Variants in PIAS4 observed in about 807,000 individuals in gnomAD.
The protein encoded by PIAS4 is protein inhibitor of activated STAT 4, also known as E3 SUMO-protein ligase PIAS4.
A neutral mutation model predicts 58.0 loss-of-function variants in PIAS4; 7 were observed. The ratio of observed to expected loss-of-function variants is 0.12; its 90% CI spans 0.07 to 0.23. The LOEUF is 0.23. PIAS4 is among the 10% of genes least tolerant of loss of function. PIAS4 has a pLI of 1.00. For missense variants in PIAS4, 550 were observed against 709.5 expected (o/e 0.78, Z 2.55); for synonymous variants, 364 against 312.4 (o/e 1.17, Z -1.74).
intron 9 of PIAS4, among the ~76,000 whole-genome samples, chr19:4,036,647 G>A (rs1403853205): frequency 2.5e-5 from 3 of 119,054 alleles, no homozygotes; most frequent in Non-Finnish European, 5.1e-5. Flanking sequence ...AGTCCACACT[G>A]TCATACACAC....
At position 4,028,186 on chromosome 19, in the gene PIAS4, A is replaced by C; in HGVS notation, c.580A>C (p.Arg194=). The change falls in exon 4 of 11, where the codon AGA becomes CGA. Residue 194 remains arginine, a splice_region_variant and synonymous_variant. Coordinates refer to ENST00000262971, the MANE Select transcript of PIAS4 (RefSeq NM_015897.4). ...AGTTAAAGCCGTGCAGGTCGTCCTGAGGTATGCCCAGGTGTGCCCGCGACC... is the reference window on the plus strand; with the variant it reads ...AGTTAAAGCCGTGCAGGTCGTCCTGCGGTATGCCCAGGTGTGCCCGCGACC... The part of the protein sequence containing the change: ...PGVKAVQVVL[R]ICYSDTSCPQ... The C allele has an allele frequency of 6.2e-7, 1 of 1,611,388 alleles. No homozygotes were observed. Among genetic ancestry groups the C allele is most frequent in the Non-Finnish European group, 8.5e-7 (1 of 1,179,790 alleles).
At chr19:4,029,575 CAG>C (rs1278308292) in intron 7 of PIAS4, among the ~76,000 whole-genome samples, 6 of 151,224 alleles carry the variant, frequency 4.0e-5, no homozygotes, top group Admixed American at 4.0e-4. Context: ...TTTAGAGAGT[CAG>C]GGTCTCTGGG....
chr19:4,028,621 C>T lies in PIAS4; in HGVS notation c.672+21C>T, dbSNP rs766014844. ...TCCCGGTGAGCATGCCCCGCCCCCG[C>T]GTCGGCTGCACGGGTTTGGGGGGCG... On this transcript the variant is annotated intron_variant, in intron 5 of 10. Transcript: ENST00000262971. 2.8e-5 allele frequency: 45 copies of T among 1,610,830 alleles called. 1 individual carries two copies. The Admixed American group carries it at 5.3e-4, about 19-fold the overall frequency.
At chr19:4,016,604 G>C (rs954879277) in intron 2 of PIAS4, among the ~76,000 whole-genome samples, 1 of 152,216 alleles carries the variant, frequency 6.6e-6, no homozygotes, top group African/African-American at 2.4e-5. Context: ...AGTAGCAGGA[G>C]CCATTTACTC....
intron 2 of PIAS4, among the ~76,000 whole-genome samples, chr19:4,022,359 GT>G (rs1328046764): frequency 1.3e-5 from 2 of 151,198 alleles, no homozygotes; most frequent in African/African-American, 4.9e-5. Context: ...GTTTTTGGTG[GT>G]TTTTTTTGAG....
intron 3 of PIAS4, among the ~76,000 whole-genome samples, chr19:4,024,329 C>T (rs900934517): frequency 2.6e-5 from 4 of 152,236 alleles, no homozygotes; most frequent in Non-Finnish European, 5.9e-5. Context: ...ACTGCCTGTG[C>T]CCTGCAGCCT....
chr19:4,024,467 G>A (rs1429958272), intron 3 of PIAS4, among the ~76,000 whole-genome samples: 1 of 152,214 alleles, frequency 6.6e-6, no homozygotes, highest in Non-Finnish European at 1.5e-5. Flanking sequence ...ACACACCCCT[G>A]TTGTGACAAC....
At chr19:4,033,726 G>A (rs2040247871) in intron 9 of PIAS4, 146 bp downstream of exon 9, 2 of 681,454 alleles carry the variant, frequency 2.9e-6, no homozygotes, top group Non-Finnish European at 4.8e-6. Context: ...ACCCCGGGCT[G>A]CGAAAAGAGC....
rs763919302 is a variant in PIAS4 at position 4,012,988 on chromosome 19, G to A, written c.93G>A (p.Lys31=). Residue 31 remains lysine, a synonymous_variant, in exon 2 of 11, where the codon AAG becomes AAA. Coordinates refer to ENST00000262971, the MANE Select transcript of PIAS4 (RefSeq NM_015897.4). ...TCCTGGGTTTCGTGGGCCGGAGTAAGAGTGGACTGAAGCACGAGCTCGTCA... is the reference window on the plus strand; with the variant it reads ...TCCTGGGTTTCGTGGGCCGGAGTAAAAGTGGACTGAAGCACGAGCTCGTCA... ...QMLLGFVGRS[K]SGLKHELVTR... 85 of 1,613,622 alleles carry A rather than the reference G, an allele frequency of 5.3e-5. No homozygotes were observed. The highest frequency in any genetic ancestry group is 6.7e-5 in the Non-Finnish European group (79 of 1,179,986).
At chr19:4,010,006 C>T (rs1055844263) in intron 1 of PIAS4, among the ~76,000 whole-genome samples, 3 of 152,194 alleles carry the variant, frequency 2.0e-5, no homozygotes, top group Non-Finnish European at 2.9e-5. Context: ...AAAGGTTCAG[C>T]GCAGCTGCTG....
intron 3 of PIAS4, among the ~76,000 whole-genome samples, chr19:4,025,956 C>T (rs768426002): frequency 5.3e-5 from 8 of 150,528 alleles, no homozygotes; most frequent in Non-Finnish European, 1.0e-4. Context: ...CGCCTGTAGT[C>T]CCAGCTACTC....
chr19:4,036,265 A>C (rs1331374803), intron 9 of PIAS4, among the ~76,000 whole-genome samples: 1 of 92,470 alleles, frequency 1.1e-5, no homozygotes, highest in Non-Finnish European at 2.6e-5. Flanking sequence ...ACATGCACAC[A>C]CATCTATATG....
intron 2 of PIAS4, among the ~76,000 whole-genome samples, chr19:4,019,013 C>A (rs752894138): frequency 3.6e-4 from 55 of 152,178 alleles, no homozygotes; most frequent in Admixed American, 1.5e-3. Context: ...GCGGAGCCAT[C>A]CCAGGGGGCG....
chr19:4,038,023 T>C lies in PIAS4; in HGVS notation c.*148T>C. 1 of 736,792 alleles carries C rather than the reference T, an allele frequency of 1.4e-6. No homozygotes were observed. Among genetic ancestry groups the C allele is most frequent in the African/African-American group, 1.8e-5 (1 of 56,018 alleles). The allele number at this position is 736,792 out of a possible 1,614,324, so 45.6% of individuals were successfully genotyped here. A position where few individuals can be genotyped will look rare whatever the true frequency, so the allele number is the denominator to read the frequency against. ...CCTTTTGCCTGGCTCCTGGCACCTGTACCTCTGGACTCTCCTATCGGGGGA... is the reference window on the plus strand; with the variant it reads ...CCTTTTGCCTGGCTCCTGGCACCTGCACCTCTGGACTCTCCTATCGGGGGA... On this transcript the variant is annotated 3_prime_UTR_variant, in exon 11 of 11. Transcript: ENST00000262971. This position sits in a 1 kb window ranked among gnomAD's most constrained non-coding sequence, Gnocchi z 4.1.
Position 4,037,469 on chromosome 19 carries a change from G to T in PIAS4, c.1238G>T (p.Arg413Leu), listed in dbSNP as rs145338811. 1 of 1,611,346 alleles carries T rather than the reference G, an allele frequency of 6.2e-7. No homozygotes were observed. The highest frequency in any genetic ancestry group is 8.5e-7 in the Non-Finnish European group (1 of 1,179,494). ...TGCCCGATCCGCGCCGAAAAGGAGC[G>T]CAGCTGCAGCCCGCAGGGCGCCATC... ...SWCPIRAEKE[R>L]SCSPQGAILV... The change falls in exon 10 of 11, where the codon CGC becomes CTC. Residue 413 changes from arginine (R) to leucine (L), a missense_variant. Coordinates refer to ENST00000262971, the MANE Select transcript of PIAS4 (RefSeq NM_015897.4). This position sits in a 1 kb window ranked among gnomAD's most constrained non-coding sequence, Gnocchi z 5.8.
chr19:4,007,984 G>T (rs1207517211), intron 1 of PIAS4, among the ~76,000 whole-genome samples, 197 bp downstream of exon 1: 1 of 151,332 alleles, frequency 6.6e-6, no homozygotes, highest in Non-Finnish European at 1.5e-5. Context: ...GGGCCCTCCT[G>T]CCTCACCCAG....
intron 2 of PIAS4, among the ~76,000 whole-genome samples, chr19:4,020,460 G>A (rs115682674): frequency 1.3e-5 from 2 of 151,234 alleles, no homozygotes; most frequent in African/African-American, 4.9e-5. Flanking sequence ...CTCGTCTCCC[G>A]GCCACTGCAA....
In PIAS4 at chr19:4,037,842, C is replaced by A. The variant is rs1178269482; in HGVS notation, c.1500C>A (p.Cys500Ter). ...AGGGGCCCCGGCCCAAGCGCCGCTG[C>A]CCCTTCCAGAAGGGCCTGGTGCCGG... ...DEEGPRPKRR[C>*]PFQKGLVPAC The change falls in exon 11 of 11, where the codon TGC (cysteine) becomes TGA (stop). Residue 500 changes from cysteine to a stop codon, truncating the protein, a stop_gained. Coordinates refer to ENST00000262971, the MANE Select transcript of PIAS4 (RefSeq NM_015897.4). LOFTEE classifies it high-confidence loss of function. This position sits in a 1 kb window ranked among gnomAD's most constrained non-coding sequence, Gnocchi z 5.8. The A allele has an allele frequency of 1.3e-6, 2 of 1,567,890 alleles. No individual in the cohort carries two copies. The highest frequency in any genetic ancestry group is 1.7e-6 in the Non-Finnish European group (2 of 1,158,818).
At chr19:4,015,430 G>T (rs1425024125) in intron 2 of PIAS4, among the ~76,000 whole-genome samples, 1 of 148,064 alleles carries the variant, frequency 6.8e-6, no homozygotes, top group Non-Finnish European at 1.5e-5. Context: ...CAGTGTGCCT[G>T]TGCTGGCGGC....
Sources: allele counts gnomAD v4.1 joint callset (sites outside exome capture counted in the v4.1 genomes callset), GRCh38; gene constraint gnomAD v4.1.1; non-coding constraint Gnocchi (gnomAD v3.1); transcripts MANE v1.5; gene names NCBI Gene and HGNC (gene_info 2026-07-23, HGNC 2026-07-21).